The following FDPS variants were observed in gnomAD, a reference collection of about 807,000 sequenced individuals.
FDPS encodes farnesyl pyrophosphate synthase.
In FDPS, 29 loss-of-function variants were observed where a neutral mutation model predicts 49.5. The observed-to-expected ratio is 0.59, with a 90% CI of 0.44 to 0.80. FDPS has a LOEUF of 0.80. Among genes scored for constraint, FDPS ranks in the 30% least tolerant of loss-of-function variants. FDPS has a pLI of 0.00. For synonymous variants in FDPS, 172 were observed against 206.4 expected, an observed-to-expected ratio of 0.83 and a Z score of 1.43; for missense variants, 414 against 525.6, an observed-to-expected ratio of 0.79 and a Z score of 2.08.
chr1:155,312,043 A>G (rs1654211181), intron 3 of FDPS, among the ~76,000 whole-genome samples: 1 of 152,224 alleles, frequency 6.6e-6, no homozygotes, highest in Admixed American at 6.5e-5. Flanking sequence ...TGCAGAAAGA[A>G]TGTGCCTGGG....
At chr1:155,313,872 G>T (rs527898046) in intron 4 of FDPS, among the ~76,000 whole-genome samples, 1 of 152,140 alleles carries the variant, frequency 6.6e-6, no homozygotes, top group African/African-American at 2.4e-5. Context: ...AGGCTGGAGT[G>T]CAGTGGCACC....
chr1:155,317,325 G>A (rs1400539728), intron 4 of FDPS: 1 of 152,388 alleles, frequency 6.6e-6, no homozygotes, highest in African/African-American at 2.4e-5. Context: ...GGTATATGAA[G>A]GTGTTTCCTA....
chr1:155,314,350 CTT>C (rs35440601), intron 4 of FDPS, among the ~76,000 whole-genome samples: 1 of 143,026 alleles, frequency 7.0e-6, no homozygotes, highest in African/African-American at 2.6e-5. Flanking sequence ...CTCTACTTGG[CTT>C]TTTTTTTTTA....
At chr1:155,309,356 G>T (rs375921712) in intron 1 of FDPS, 3 of 154,514 alleles carry the variant, frequency 1.9e-5, no homozygotes, top group African/African-American at 7.2e-5. Flanking sequence ...TCAGACCCTG[G>T]GCACCCCTCT....
intron 4 of FDPS, among the ~76,000 whole-genome samples, chr1:155,314,096 C>T (rs999036132): frequency 1.3e-5 from 2 of 151,990 alleles, no homozygotes; most frequent in South Asian, 2.1e-4. Flanking sequence ...GGATTACAGG[C>T]GTTACAGGTG....
chr1:155,319,884 C>G lies in FDPS; in HGVS notation c.1015C>G (p.Gln339Glu). 1.2e-6 allele frequency: 2 copies of G among 1,614,174 alleles called. No individual in the cohort carries two copies. Among genetic ancestry groups the G allele is most frequent in the Non-Finnish European group, 1.7e-6 (2 of 1,180,030 alleles). ...QDNKCSWLVV[Q>E]CLQRATPEQY... ...CAACAAATGCAGCTGGCTGGTGGTT[C>G]AGTGTCTGCAACGGGCCACTCCAGA... Residue 339 changes from glutamine to glutamate, a missense_variant, in exon 10 of 11, where the codon CAG (glutamine) becomes GAG (glutamate). Physicochemically the swap from Gln to Glu is conservative, Grantham distance 29. Coordinates refer to ENST00000368356, the MANE Select transcript of FDPS (RefSeq NM_002004.4).
chr1:155,319,735 C>A, intron 9 of FDPS, 47 bp downstream of exon 9: 2 of 1,614,008 alleles, frequency 1.2e-6, no homozygotes, highest in Non-Finnish European at 1.7e-6. Context: ...CAGCTTCACT[C>A]CTCCTCTGCC....
chr1:155,310,012 CA>C (rs1371934103), intron 2 of FDPS, 30 bp from the exon 3 acceptor site: 1 of 1,611,852 alleles, frequency 6.2e-7, no homozygotes, highest in Non-Finnish European at 8.5e-7. Context: ...AGCAGCTGAT[CA>C]GGTTTCTGAC....
Position 155,320,010 on chromosome 1 carries a change from C to G in FDPS, c.1059+82C>G, listed in dbSNP as rs1175525213. On this transcript the variant is annotated intron_variant, in intron 10 of 10. Transcript: ENST00000368356. ...TCTCAACTAGAGGCAGTTTTCCTCCCGAGGGGACATTTGGCAATGTCAGCA... is the reference window on the plus strand; with the variant it reads ...TCTCAACTAGAGGCAGTTTTCCTCCGGAGGGGACATTTGGCAATGTCAGCA... 5.3e-6 allele frequency: 8 copies of G among 1,508,888 alleles called. No homozygotes were observed. The East Asian group carries it at 1.6e-4, about 30-fold the overall frequency. The allele number at this position is 1,508,888 out of a possible 1,614,324, so 93.5% of individuals were successfully genotyped here.
rs1282270929 is a variant in FDPS at position 155,318,917 on chromosome 1, G to C, written c.835G>C (p.Ala279Pro). 1 of 1,613,006 alleles carries C rather than the reference G, an allele frequency of 6.2e-7. No individual in the cohort carries two copies. The highest frequency in any genetic ancestry group is 2.2e-5 in the East Asian group (1 of 44,888). Residue 279 changes from alanine to proline, a missense_variant, in exon 8 of 11, where the codon GCC becomes CCC. Ala to Pro is a conservative substitution (Grantham distance 27). Coordinates refer to ENST00000368356, the MANE Select transcript of FDPS (RefSeq NM_002004.4). The surrounding 1 kb of genome is among the most constrained non-coding windows in gnomAD (Gnocchi z 4.2). ...FYSFYLPIAAAMYMAGIDGEK... is the reference protein window; with the variant it reads ...FYSFYLPIAAPMYMAGIDGEK... ...CTCCTTCTACCTTCCTATAGCTGCA[G>C]CCATGTACATGGTGAGTGAGCCTCC... is the stretch of plus-strand genomic sequence containing the variant.
rs553768374 is a variant in FDPS, at chr1:155,315,881, C to A, written c.481-2060C>A. Among the ~76,000 whole-genome samples the A allele has an allele frequency of 6.4e-3, 930 of 145,186 alleles. 9 individuals carry two copies. The highest frequency in any genetic ancestry group is 0.023 in the African/African-American group (905 of 38,922). The stretch of plus-strand genomic sequence containing the variant: ...AAACTCCATCTCAAAAAAAAAAAAA[C>A]ACACAAACCATGTCTTCTGCTCAAG... On this transcript the variant is annotated intron_variant, in intron 4 of 10. Coordinates refer to ENST00000368356, the MANE Select transcript of FDPS (RefSeq NM_002004.4).
chr1:155,311,263 T>C (rs1331167767), intron 3 of FDPS, among the ~76,000 whole-genome samples: 3 of 152,062 alleles, frequency 2.0e-5, no homozygotes, highest in Non-Finnish European at 4.4e-5. Flanking sequence ...CACTTGAACC[T>C]GGGAGGCGGA....
rs1488910088 is a variant in FDPS, at chr1:155,309,913, C to T, written c.124C>T (p.Leu42=). ...CTCCCTGGTGCACGGGTACCCAGTC[C>T]TGGCCTGGCACAGTGCCCGCTGCTG... The part of the protein sequence containing the change: ...RPSLVHGYPV[L]AWHSARCWCQ... The change falls in exon 2 of 11, where the codon CTG becomes TTG. Residue 42 remains leucine, a synonymous_variant. Coordinates refer to ENST00000368356, the MANE Select transcript of FDPS (RefSeq NM_002004.4). 6.2e-7 allele frequency: 1 copy of T among 1,602,078 alleles called. No homozygotes were observed. Among genetic ancestry groups the T allele is most frequent in the Non-Finnish European group, 8.5e-7 (1 of 1,172,976 alleles).
In FDPS at chr1:155,320,512, A is replaced by G. The variant is rs371487066; in HGVS notation, c.1163A>G (p.Tyr388Cys). ...AVFLQYEEDSYSHIMALIEQY... is the reference protein window; with the variant it reads ...AVFLQYEEDSCSHIMALIEQY... ...TTCTTGCAATATGAGGAAGACAGTT[A>G]CAGCCACATTATGGCTCTCATTGAA... Residue 388 changes from tyrosine (Y) to cysteine (C), a missense_variant, in exon 11 of 11, where the codon TAC becomes TGC. Tyr to Cys is a radical substitution (Grantham distance 194). Coordinates refer to ENST00000368356, the MANE Select transcript of FDPS (RefSeq NM_002004.4). 6.2e-7 allele frequency: 1 copy of G among 1,614,112 alleles called. No homozygotes were observed. Among genetic ancestry groups the G allele is most frequent in the Non-Finnish European group, 8.5e-7 (1 of 1,180,038 alleles).
At chr1:155,310,668 A>G (rs1312716227) in intron 3 of FDPS, among the ~76,000 whole-genome samples, 1 of 152,128 alleles carries the variant, frequency 6.6e-6, no homozygotes, top group Non-Finnish European at 1.5e-5. Context: ...GGCCTGGGCA[A>G]GTATACTTAC....
rs747898072 is a variant in FDPS at position 155,310,160 on chromosome 1, G to T, written c.294G>T (p.Glu98Asp). ...TCGTTAGGGTGCTGACTGAGGATGA[G>T]ATGGGGCACCCAGAGATAGGAGATG... ...SQIVRVLTED[E>D]MGHPEIGDAI... The change falls in exon 3 of 11, where the codon GAG becomes GAT. Residue 98 changes from glutamate to aspartate, a missense_variant. Glu to Asp is a conservative substitution (Grantham distance 45). Coordinates refer to ENST00000368356, the MANE Select transcript of FDPS (RefSeq NM_002004.4). 3 of 1,613,968 alleles carry T rather than the reference G, an allele frequency of 1.9e-6. No individual in the cohort carries two copies. In the South Asian group the frequency reaches 3.3e-5, roughly 18 times the overall value.
At chr1:155,314,703 C>T (rs1372717283) in intron 4 of FDPS, among the ~76,000 whole-genome samples, 3 of 151,260 alleles carry the variant, frequency 2.0e-5, no homozygotes, top group Non-Finnish European at 4.4e-5. Flanking sequence ...CTTGAACTCC[C>T]GGGCTCAAGT....
Position 155,319,720 on chromosome 1 carries a change from G to A in FDPS, c.924+32G>A, listed in dbSNP as rs747298940. 5 of 1,613,918 alleles carry A rather than the reference G, an allele frequency of 3.1e-6. No individual in the cohort carries two copies. In the African/African-American group the frequency reaches 4.0e-5, roughly 13 times the overall value. On this transcript the variant is annotated intron_variant, in intron 9 of 10. Coordinates refer to ENST00000368356, the MANE Select transcript of FDPS (RefSeq NM_002004.4). ...AGGCAGGAGGCAGTAGCAGAGAACA[G>A]GCACCAGCTTCACTCCTCCTCTGCC...
intron 8 of FDPS, 106 bp downstream of exon 8, chr1:155,319,034 T>C (rs1231477200): frequency 3.6e-6 from 3 of 830,766 alleles, no homozygotes; most frequent in Non-Finnish European, 4.1e-6. Flanking sequence ...AAAAACTGTG[T>C]GACCTTGAGC....
Sources: gnomAD v4.1 joint callset for allele counts (sites outside exome capture counted in the v4.1 genomes callset) on GRCh38, gnomAD v4.1.1 for gene constraint, Gnocchi (gnomAD v3.1) non-coding constraint, MANE v1.5 for transcripts, NCBI Gene and HGNC (gene_info 2026-07-23, HGNC 2026-07-21) for gene names.